The following TPST2 variants were observed in gnomAD, a reference collection of about 807,000 sequenced individuals.
TPST2 encodes protein-tyrosine sulfotransferase 2.
A neutral mutation model predicts 27.8 loss-of-function variants in TPST2; 16 were observed. The observed-to-expected ratio is 0.58, with a 90% CI of 0.39 to 0.88. The LOEUF (loss-of-function observed/expected upper bound fraction) is 0.88. Ranked by LOEUF, TPST2 falls within the 40% of genes least tolerant of loss-of-function variation. TPST2 has a pLI of 0.00. For synonymous variants in TPST2, 229 were observed against 231.7 expected (o/e 0.99, Z 0.10); for missense variants, 464 against 543.1 (o/e 0.85, Z 1.45).
intron 5 of TPST2, among the ~76,000 whole-genome samples, chr22:26,530,808 G>A (rs1267278765): frequency 6.6e-6 from 1 of 152,046 alleles, no homozygotes; most frequent in East Asian, 1.9e-4. Context: ...TCAGGAGTTC[G>A]AGACCAGCCT....
In TPST2 at chr22:26,529,082, G is replaced by C. The variant is rs186732850; in HGVS notation, c.1093-820C>G. The stretch of plus-strand genomic sequence containing the variant: ...GTCCCTAGATAGCTTCAGGATTAGG[G>C]GAAGGGGTCTCAGAAAGACCAAGGC... On this transcript the variant is annotated intron_variant, in intron 5 of 6. Transcript: ENST00000338754. Among the ~76,000 whole-genome samples the C allele has an allele frequency of 3.3e-5, 5 of 152,274 alleles. No individual in the cohort carries two copies. The East Asian group carries it at 9.6e-4, about 29-fold the overall frequency.
intron 1 of TPST2, among the ~76,000 whole-genome samples, chr22:26,546,581 A>C (rs150070387): frequency 1.1e-3 from 175 of 152,376 alleles, no homozygotes; most frequent in African/African-American, 3.8e-3. Context: ...GCAATGGAAC[A>C]GGGCTGTCAG....
At chr22:26,566,841 G>A (rs999655872) in intron 1 of TPST2, among the ~76,000 whole-genome samples, 2 of 152,080 alleles carry the variant, frequency 1.3e-5, no homozygotes, top group African/African-American at 2.4e-5. Context: ...CTCTTCCCCC[G>A]CTCATATCGT....
chr22:26,524,566 G>GAGAC lies in TPST2; in HGVS notation c.*1705_*1708dup, dbSNP rs748795291. The GAGAC allele has an allele frequency of 3.3e-5, 5 of 152,118 alleles. No individual in the cohort carries two copies. The highest frequency in any genetic ancestry group is 7.3e-5 in the Non-Finnish European group (5 of 68,064). The allele number at this position is 152,118 out of a possible 1,614,324, so 9.4% of individuals were successfully genotyped here. On this transcript the variant is annotated 3_prime_UTR_variant, in exon 7 of 7. Transcript: ENST00000338754. ...TTAACTTCCCCATTTTACAGATGAA[G>GAGAC]AGACAAAGTCTCAAGCCATACAGCC...
chr22:26,545,764 C>A (rs934240571), intron 1 of TPST2, among the ~76,000 whole-genome samples: 1 of 152,138 alleles, frequency 6.6e-6, no homozygotes, highest in Non-Finnish European at 1.5e-5. Flanking sequence ...AGGGTAACAA[C>A]ACTTTAAAAT....
At chr22:26,579,485 C>G (rs988294156) in intron 1 of TPST2, among the ~76,000 whole-genome samples, 9 of 152,176 alleles carry the variant, frequency 5.9e-5, no homozygotes, top group Non-Finnish European at 5.9e-5. Flanking sequence ...GAAACCATGG[C>G]CTTGTAGGGC....
chr22:26,550,255 G>A (rs962391389), intron 1 of TPST2, among the ~76,000 whole-genome samples: 4 of 152,166 alleles, frequency 2.6e-5, no homozygotes, highest in Non-Finnish European at 4.4e-5. Flanking sequence ...AAGGGCAACA[G>A]ACAAAGGTTC....
At chr22:26,584,118 G>A (rs2145941750) in intron 1 of TPST2, among the ~76,000 whole-genome samples, 1 of 152,342 alleles carries the variant, frequency 6.6e-6, no homozygotes, top group Middle Eastern at 3.4e-3. Flanking sequence ...CACGTAGCAT[G>A]GGAGCTCAAC....
At chr22:26,550,275 T>C (rs1410343534) in intron 1 of TPST2, among the ~76,000 whole-genome samples, 2 of 152,118 alleles carry the variant, frequency 1.3e-5, no homozygotes, top group Non-Finnish European at 2.9e-5. Flanking sequence ...CCTGCCTTCA[T>C]AGAGCTGACA....
chr22:26,538,511 G>A lies in TPST2; in HGVS notation c.843-2025C>T, dbSNP rs184867371. Among the ~76,000 whole-genome samples, 352 of 152,346 alleles carry A rather than the reference G, an allele frequency of 2.3e-3. 2 individuals are homozygous for A. The highest frequency in any genetic ancestry group is 7.9e-3 in the African/African-American group (328 of 41,590). On this transcript the variant is annotated intron_variant, in intron 3 of 6. Transcript: ENST00000338754. ...AATATGGCAATCCGTGTAGCAGCCT[G>A]TCGCACAGCTATTCAAAATGATGCT...
At chr22:26,588,342 T>A (rs996693130) in intron 1 of TPST2, among the ~76,000 whole-genome samples, 2 of 152,102 alleles carry the variant, frequency 1.3e-5, no homozygotes, top group Non-Finnish European at 2.9e-5. Flanking sequence ...ACAGGCAAAT[T>A]CATAGAGAAT....
rs776756599 is a variant in TPST2 at position 26,540,847 on chromosome 22, C to G, written c.784G>C (p.Asp262His). The G allele has an allele frequency of 1.2e-6, 2 of 1,613,616 alleles. No homozygotes were observed. The highest frequency in any genetic ancestry group is 1.7e-5 in the Admixed American group (1 of 59,994). The part of the protein sequence containing the change: ...ILDFLGIAWS[D>H]AVLHHEDLIG... The stretch of plus-strand genomic sequence containing the variant: ...AGGTCTTCATGGTGGAGGACAGCGT[C>G]GCTCCAGGCGATGCCGAGGAAGTCG... Residue 262 changes from aspartate to histidine, a missense_variant, in exon 3 of 7, where the codon GAC (aspartate) becomes CAC (histidine). Physicochemically the swap from Asp to His is moderately conservative, Grantham distance 81 (BLOSUM62 -1). Coordinates refer to ENST00000338754, the MANE Select transcript of TPST2 (RefSeq NM_003595.5).
rs1849227969 is a variant in TPST2 at position 26,522,477 on chromosome 22, A to G, written c.*3798T>C. 2 of 152,200 alleles carry G rather than the reference A, an allele frequency of 1.3e-5. No individual in the cohort carries two copies. Among genetic ancestry groups the G allele is most frequent in the African/African-American group, 4.8e-5 (2 of 41,442 alleles). The allele number at this position is 152,200 out of a possible 1,614,324, so 9.4% of individuals were successfully genotyped here. On this transcript the variant is annotated 3_prime_UTR_variant, in exon 7 of 7. Coordinates refer to ENST00000338754, the MANE Select transcript of TPST2 (RefSeq NM_003595.5). ...ACCCCCAAGAAAGGCTCTAGAACAA[A>G]GCTCTGATTTCACAGTGAGATTAAA... is the stretch of plus-strand genomic sequence containing the variant.
rs1402247813 is a variant in TPST2 at position 26,523,386 on chromosome 22, GC to G, written c.*2888del. ...GCTATTGAGAGGAAGTACAAATAGA[GC>G]CACTTGCCTTCTTACTATCAATTCT... On this transcript the variant is annotated 3_prime_UTR_variant, in exon 7 of 7. Coordinates refer to ENST00000338754, the MANE Select transcript of TPST2 (RefSeq NM_003595.5). The G allele has an allele frequency of 1.3e-5, 2 of 152,086 alleles. No individual in the cohort carries two copies. The highest frequency in any genetic ancestry group is 2.9e-5 in the Non-Finnish European group (2 of 68,028). 9.4% of individuals were successfully genotyped at this position (152,086 alleles called of 1,614,324 possible).
intron 1 of TPST2, among the ~76,000 whole-genome samples, chr22:26,573,813 CTGGG>C (rs1449105507): frequency 2.0e-5 from 3 of 152,260 alleles, no homozygotes; most frequent in African/African-American, 7.2e-5. Context: ...AGCCCCAATT[CTGGG>C]GTAGTGCATA....
intron 1 of TPST2, among the ~76,000 whole-genome samples, chr22:26,552,650 A>C (rs1207807339): frequency 6.6e-6 from 1 of 152,218 alleles, no homozygotes; most frequent in Non-Finnish European, 1.5e-5. Flanking sequence ...AACAACCAAG[A>C]TGACACATAC....
chr22:26,563,572 A>G (rs1024019792), intron 1 of TPST2, among the ~76,000 whole-genome samples: 1 of 150,982 alleles, frequency 6.6e-6, no homozygotes, highest in Admixed American at 6.6e-5. Context: ...CTTGTGATCC[A>G]CCCGCCTCGG....
rs1304802374 is a variant in TPST2 at position 26,541,432 on chromosome 22, C to T, written c.199G>A (p.Ala67Thr). The change falls in exon 3 of 7, where the codon GCC becomes ACC. Residue 67 changes from alanine (A) to threonine (T), a missense_variant. Transcript: ENST00000338754. The surrounding 1 kb of genome is among the most constrained non-coding windows in gnomAD (Gnocchi z 5.9). ...CCACCCACGAAGATGAGCGGCATGG[C>T]CTTGCCATAGCGGTATTCCACGTGG... ...TNHVEYRYGK[A>T]MPLIFVGGVP... 1 of 1,589,448 alleles carries T rather than the reference C, an allele frequency of 6.3e-7. No individual in the cohort carries two copies. Among genetic ancestry groups the T allele is most frequent in the African/African-American group, 1.3e-5 (1 of 74,360 alleles).
chr22:26,531,053 A>C (rs1243653050), intron 5 of TPST2, among the ~76,000 whole-genome samples: 1 of 152,104 alleles, frequency 6.6e-6, no homozygotes, highest in African/African-American at 2.4e-5. Context: ...GGGCCAGTTT[A>C]TACTTCCTGC....
Sources: allele counts gnomAD v4.1 joint callset (sites outside exome capture counted in the v4.1 genomes callset), GRCh38; gene constraint gnomAD v4.1.1; non-coding constraint Gnocchi (gnomAD v3.1); transcripts MANE v1.5; gene names NCBI Gene and HGNC (gene_info 2026-07-23, HGNC 2026-07-21).